Variants in GRIN2B observed in about 807,000 individuals in gnomAD.
GRIN2B encodes the protein glutamate ionotropic receptor NMDA type subunit 2B.
Under a neutral mutation model 114.5 loss-of-function variants are expected in GRIN2B, and 5 were observed. That is an observed-to-expected ratio of 0.04 (90% CI 0.02 to 0.09). GRIN2B has a LOEUF of 0.09. Ranked by LOEUF, GRIN2B falls within the 10% of genes least tolerant of loss-of-function variation. The probability of loss-of-function intolerance (pLI) is 1.00; values close to 1 mark genes in which losing one functional copy is unlikely to be tolerated. For synonymous variants in GRIN2B, 787 were observed against 745.1 expected, an observed-to-expected ratio of 1.06 and a Z score of -0.92; for missense variants, 1,108 against 1,943.5, an observed-to-expected ratio of 0.57 and a Z score of 8.08.
rs187385914 is a variant in GRIN2B, at chr12:13,812,520, C to T, written c.411+53278G>A. On this transcript the variant is annotated intron_variant, in intron 3 of 13. Transcript: ENST00000609686. The stretch of plus-strand genomic sequence containing the variant: ...CAACTAAACCTATTTCAACTGTAGA[C>T]ATTTTCCATGAGCAAAATTCTGCTA... Among the ~76,000 whole-genome samples, 390 of 152,170 alleles carry T rather than the reference C, an allele frequency of 2.6e-3. 1 individual carries two copies. Among genetic ancestry groups the T allele is most frequent in the Middle Eastern group, 0.01 (3 of 294 alleles).
chr12:13,644,408 C>G (rs1424557362), intron 5 of GRIN2B, among the ~76,000 whole-genome samples: 2 of 152,256 alleles, frequency 1.3e-5, no homozygotes, highest in East Asian at 1.9e-4. Context: ...CAGATGTGCT[C>G]TCATCCAGGC....
intron 5 of GRIN2B, among the ~76,000 whole-genome samples, chr12:13,648,160 G>A (rs995457767): frequency 1.3e-5 from 2 of 151,966 alleles, no homozygotes; most frequent in Admixed American, 6.6e-5. Context: ...GAGCACATAC[G>A]GAGTAGTATA....
rs1948490902 is a variant in GRIN2B, at chr12:13,557,580, T to C, written c.*5203A>G. 1 of 152,236 alleles carries C rather than the reference T, an allele frequency of 6.6e-6. No individual in the cohort carries two copies. Among genetic ancestry groups the C allele is most frequent in the South Asian group, 2.1e-4 (1 of 4,834 alleles). 9.4% of individuals were successfully genotyped at this position (152,236 alleles called of 1,614,324 possible). A position where few individuals can be genotyped will look rare whatever the true frequency, so the allele number is the denominator to read the frequency against. ...ATAGTTCTCAACCTGCCCTACAAGA[T>C]ACTGAATTTAGAAATTCATAAATTA... On this transcript the variant is annotated 3_prime_UTR_variant, in exon 14 of 14. Coordinates refer to ENST00000609686, the MANE Select transcript of GRIN2B (RefSeq NM_000834.5).
At chr12:13,808,497 G>T (rs1864655133) in intron 3 of GRIN2B, among the ~76,000 whole-genome samples, 1 of 151,544 alleles carries the variant, frequency 6.6e-6, no homozygotes. Flanking sequence ...CTTCATCCAT[G>T]TCCCTACAAA....
intron 3 of GRIN2B, among the ~76,000 whole-genome samples, chr12:13,843,188 C>T (rs1865413542): frequency 6.7e-6 from 1 of 149,618 alleles, no homozygotes; most frequent in Non-Finnish European, 1.5e-5. Context: ...TCAAAAACAC[C>T]ATTTTGGCTT....
chr12:13,835,654 A>T (rs1425064380), intron 3 of GRIN2B, among the ~76,000 whole-genome samples: 1 of 151,556 alleles, frequency 6.6e-6, no homozygotes, highest in African/African-American at 2.4e-5. Context: ...CACCCCCTTT[A>T]GCCTTCAGAC....
At chr12:13,828,960 A>G (rs1473218633) in intron 3 of GRIN2B, among the ~76,000 whole-genome samples, 1 of 152,094 alleles carries the variant, frequency 6.6e-6, no homozygotes, top group Non-Finnish European at 1.5e-5. Context: ...CTTGATTTCT[A>G]TCAATCTTCC....
chr12:13,913,189 C>T (rs903457248), intron 2 of GRIN2B, among the ~76,000 whole-genome samples: 2 of 152,168 alleles, frequency 1.3e-5, no homozygotes, highest in Non-Finnish European at 2.9e-5. Context: ...GCCACGCTTA[C>T]CATGTTTCCT....
At chr12:13,634,188 T>C (rs977965685) in intron 5 of GRIN2B, 1 of 152,212 alleles carries the variant, frequency 6.6e-6, no homozygotes, top group Non-Finnish European at 1.5e-5. Context: ...AGTCTCTGTA[T>C]GAGATCCTGC....
intron 3 of GRIN2B, among the ~76,000 whole-genome samples, chr12:13,803,793 C>T (rs1864556165): frequency 6.6e-6 from 1 of 152,072 alleles, no homozygotes; most frequent in Non-Finnish European, 1.5e-5. Flanking sequence ...AATGAAGCAA[C>T]ACACATGTGG....
chr12:13,568,284 T>C (rs1373706564), intron 12 of GRIN2B, among the ~76,000 whole-genome samples: 1 of 152,206 alleles, frequency 6.6e-6, no homozygotes. Context: ...CATCTAATTC[T>C]AGACAAGCAA....
rs547239772 is a variant in GRIN2B at position 13,707,942 on chromosome 12, T to C, written c.1011-32083A>G. Among the ~76,000 whole-genome samples, 196 of 152,062 alleles carry C rather than the reference T, an allele frequency of 1.3e-3. 2 individuals are homozygous for C. Among genetic ancestry groups the C allele is most frequent in the African/African-American group, 4.3e-3 (180 of 41,524 alleles). Reference sequence around the variant, plus strand: ...TCCTAGGTCTCCCACAGAGCTCTTGTAGAGAGCTGATCTGCTGGACCCAAG... The same window carrying C: ...TCCTAGGTCTCCCACAGAGCTCTTGCAGAGAGCTGATCTGCTGGACCCAAG... On this transcript the variant is annotated intron_variant, in intron 4 of 13. Coordinates refer to ENST00000609686, the MANE Select transcript of GRIN2B (RefSeq NM_000834.5).
chr12:13,768,167 C>T (rs1446005404), intron 3 of GRIN2B, among the ~76,000 whole-genome samples: 1 of 152,156 alleles, frequency 6.6e-6, no homozygotes, highest in Non-Finnish European at 1.5e-5. Flanking sequence ...ATCCATCATG[C>T]CCAATTTTCC....
intron 5 of GRIN2B, among the ~76,000 whole-genome samples, chr12:13,617,087 G>C (rs1296068047): frequency 6.6e-6 from 1 of 152,214 alleles, no homozygotes; most frequent in Non-Finnish European, 1.5e-5. Context: ...GTAACAAGGA[G>C]CATGATGGTG....
At chr12:13,739,173 G>A (rs1324055929) in intron 4 of GRIN2B, among the ~76,000 whole-genome samples, 1 of 151,902 alleles carries the variant, frequency 6.6e-6, no homozygotes, top group Non-Finnish European at 1.5e-5. Context: ...CTGAGGTCAG[G>A]AGTTCGAGAC....
chr12:13,932,659 C>T (rs558275411), intron 2 of GRIN2B, among the ~76,000 whole-genome samples: 1 of 152,250 alleles, frequency 6.6e-6, no homozygotes, highest in South Asian at 2.1e-4. Context: ...GATGCCTACC[C>T]TAAAGCTTGT....
At chr12:13,957,573 G>T (rs1437732472) in intron 2 of GRIN2B, among the ~76,000 whole-genome samples, 1 of 152,142 alleles carries the variant, frequency 6.6e-6, no homozygotes, top group Non-Finnish European at 1.5e-5. Flanking sequence ...TTCCTCCCAT[G>T]ACCTGTCTCC....
chr12:13,928,302 CAA>C (rs745858482), intron 2 of GRIN2B, among the ~76,000 whole-genome samples: 21 of 88,006 alleles, frequency 2.4e-4, no homozygotes, highest in Admixed American at 2.4e-4. Context: ...GACTTCATCT[CAA>C]AAAAAAAAAA....
chr12:13,611,381 C>T (rs1214512797), intron 9 of GRIN2B, among the ~76,000 whole-genome samples: 2 of 152,124 alleles, frequency 1.3e-5, no homozygotes, highest in Non-Finnish European at 2.9e-5. Flanking sequence ...GCCTTGTTAG[C>T]GACATCTGTT....
Sources: allele counts gnomAD v4.1 joint callset (sites outside exome capture counted in the v4.1 genomes callset), GRCh38; gene constraint gnomAD v4.1.1; transcripts MANE v1.5; gene names NCBI Gene and HGNC (gene_info 2026-07-23, HGNC 2026-07-21).